The following CMC2 variants were observed in gnomAD, a reference collection of about 807,000 sequenced individuals.
CMC2 encodes the protein COX assembly mitochondrial protein 2 homolog.
A neutral mutation model predicts 7.5 loss-of-function variants in CMC2; 5 were observed. The observed-to-expected ratio is 0.66, with a 90% CI of 0.35 to 1.40. The LOEUF is 1.40. Ranked by LOEUF, CMC2 falls within the 40% of genes most tolerant of loss-of-function variation. The pLI is 0.04. For missense variants in CMC2, 115 were observed against 92.3 expected, an observed-to-expected ratio of 1.25 and a Z score of -1.01; for synonymous variants, 37 against 31.4, an observed-to-expected ratio of 1.18 and a Z score of -0.60.
chr16:80,984,662 C>T (rs1454844272), intron 2 of CMC2, among the ~76,000 whole-genome samples: 1 of 152,094 alleles, frequency 6.6e-6, no homozygotes, highest in East Asian at 1.9e-4. Flanking sequence ...TCCTTGACAA[C>T]AAATAAACAT....
chr16:80,976,951 C>A (rs1444693493), intron 3 of CMC2, among the ~76,000 whole-genome samples: 1 of 151,550 alleles, frequency 6.6e-6, no homozygotes. Context: ...ATGCCCCTTA[C>A]CAAAAAAAAA....
At chr16:81,005,320 G>A (rs578074459) in intron 1 of CMC2, among the ~76,000 whole-genome samples, 36 of 152,232 alleles carry the variant, frequency 2.4e-4, no homozygotes, top group African/African-American at 7.9e-4. Context: ...GTTGAGGCAC[G>A]AGAATCACTA....
rs909490091 is a variant in CMC2 at position 80,978,172 on chromosome 16, G to GA, written c.154-1994dup. The GA allele has an allele frequency of 1.0e-4, 70 of 674,616 alleles. No homozygotes were observed. The African/African-American group carries it at 1.1e-3, about 11-fold the overall frequency. The allele number at this position is 674,616 out of a possible 1,614,324, so 41.8% of individuals were successfully genotyped here. A position where few individuals can be genotyped will look rare whatever the true frequency, so the allele number is the denominator to read the frequency against. On this transcript the variant is annotated intron_variant, in intron 3 of 3. Coordinates refer to ENST00000219400, the MANE Select transcript of CMC2 (RefSeq NM_020188.5). ...TAAATTTACTCATAAAATTGTTGGGGAAAAAATCAATAAAACGTATTCTAG... is the reference window on the plus strand; with the variant it reads ...TAAATTTACTCATAAAATTGTTGGGGAAAAAAATCAATAAAACGTATTCTAG...
chr16:81,006,863 C>G lies in CMC2; in HGVS notation c.-165G>C, dbSNP rs1404479497. The G allele has an allele frequency of 1.0e-6, 1 of 986,028 alleles. No individual in the cohort carries two copies. The highest frequency in any genetic ancestry group is 1.2e-6 in the Non-Finnish European group (1 of 830,408). 61.1% of individuals were successfully genotyped at this position (986,028 alleles called of 1,614,324 possible). On this transcript the variant is annotated 5_prime_UTR_variant, in exon 1 of 4. Coordinates refer to ENST00000219400, the MANE Select transcript of CMC2 (RefSeq NM_020188.5). ...CGCCGAAACCCAGTGACGCCCTCCACCGCTCCACCGTGCTCCCGGCTCCTC... is the reference window on the plus strand; with the variant it reads ...CGCCGAAACCCAGTGACGCCCTCCAGCGCTCCACCGTGCTCCCGGCTCCTC...
intron 2 of CMC2, among the ~76,000 whole-genome samples, chr16:80,989,324 GA>G (rs990654374): frequency 6.6e-6 from 1 of 152,124 alleles, no homozygotes; most frequent in Non-Finnish European, 1.5e-5. Context: ...TACTGTAAGG[GA>G]AACTTTCCCT....
At position 80,973,331 on chromosome 16, in the gene CMC2, G is replaced by C. The variant is rs1023362963; in HGVS notation, c.*2762C>G. 6.6e-6 allele frequency: 1 copy of C among 152,082 alleles called. No individual in the cohort carries two copies. Among genetic ancestry groups the C allele is most frequent in the Non-Finnish European group, 1.5e-5 (1 of 68,010 alleles). 9.4% of individuals were successfully genotyped at this position (152,082 alleles called of 1,614,324 possible). On this transcript the variant is annotated 3_prime_UTR_variant, in exon 4 of 4. Coordinates refer to ENST00000219400, the MANE Select transcript of CMC2 (RefSeq NM_020188.5). The stretch of plus-strand genomic sequence containing the variant: ...ACGGTATCAGCCCTAGTGATTTGGT[G>C]CCTTCTACCAAACTACGGAGGAAGT...
Position 80,971,795 on chromosome 16 carries a change from G to GT in CMC2, c.*4297dup, listed in dbSNP as rs1567498967. On this transcript the variant is annotated 3_prime_UTR_variant, in exon 4 of 4. Coordinates refer to ENST00000219400, the MANE Select transcript of CMC2 (RefSeq NM_020188.5). ...TTAGATAGCAGCTATGTGAGTGTTC[G>GT]TATTAGTCTGTATAGTTTTCTGTAA... 1 of 151,420 alleles carries GT rather than the reference G, an allele frequency of 6.6e-6. No individual in the cohort carries two copies. Among genetic ancestry groups the GT allele is most frequent in the Non-Finnish European group, 1.5e-5 (1 of 67,938 alleles). 9.4% of individuals were successfully genotyped at this position (151,420 alleles called of 1,614,324 possible).
intron 1 of CMC2, among the ~76,000 whole-genome samples, chr16:80,999,103 T>A (rs1475467228): frequency 6.6e-6 from 1 of 152,006 alleles, no homozygotes; most frequent in African/African-American, 2.4e-5. Flanking sequence ...AAGCAATCAG[T>A]CAAGAGAAAT....
Position 80,976,132 on chromosome 16 carries a change from TC to T in CMC2, c.200del (p.Arg67GlnfsTer32). 1 of 1,610,686 alleles carries T rather than the reference TC, an allele frequency of 6.2e-7. No individual in the cohort carries two copies. Among genetic ancestry groups the T allele is most frequent in the African/African-American group, 1.3e-5 (1 of 74,924 alleles). On this transcript the variant is annotated frameshift_variant, in exon 4 of 4. Coordinates refer to ENST00000219400, the MANE Select transcript of CMC2 (RefSeq NM_020188.5). LOFTEE classifies it high-confidence loss of function. ...CCTCTGGAGGATTAAAAAGTTTCTT[TC>T]GCATTGCAATGCCATGCTCCCTGCT... ...TKSREHGIAM[R>X]KKLFNPPEES...
At chr16:80,999,985 C>A (rs1024121639) in intron 1 of CMC2, among the ~76,000 whole-genome samples, 2 of 152,118 alleles carry the variant, frequency 1.3e-5, no homozygotes, top group Non-Finnish European at 2.9e-5. Context: ...TGGACATTCA[C>A]CTTCGGAAGA....
In CMC2 at chr16:80,995,474, G is replaced by C. The variant is rs888699568; in HGVS notation, c.81+1840C>G. 4.6e-5 allele frequency among the ~76,000 whole-genome samples: 7 copies of C among 152,112 alleles called. No homozygotes were observed. In the South Asian group the frequency reaches 1.5e-3, roughly 32 times the overall value. On this transcript the variant is annotated intron_variant, in intron 2 of 3. Transcript: ENST00000219400. ...AGTTCGAGACCAGCCTGCCCAACAT[G>C]GTGAAACTCCGTCTCTACTAAAGAT...
intron 1 of CMC2, among the ~76,000 whole-genome samples, chr16:81,000,889 T>C (rs1313253210): frequency 6.6e-6 from 1 of 152,216 alleles, no homozygotes; most frequent in African/African-American, 2.4e-5. Context: ...AAGAAAAACA[T>C]GCACTCATAA....
chr16:80,985,901 CAAAAAA>C (rs57915291), intron 2 of CMC2, among the ~76,000 whole-genome samples: 2 of 104,998 alleles, frequency 1.9e-5, no homozygotes, highest in Non-Finnish European at 3.7e-5. Flanking sequence ...CATATACCTG[CAAAAAA>C]AAAAAAAAAA....
chr16:80,973,847 A>C lies in CMC2; in HGVS notation c.*2246T>G, dbSNP rs1457058772. The C allele has an allele frequency of 5.3e-5, 8 of 152,252 alleles. No individual in the cohort carries two copies. The highest frequency in any genetic ancestry group is 1.9e-4 in the African/African-American group (8 of 41,464). 9.4% of individuals were successfully genotyped at this position (152,252 alleles called of 1,614,324 possible). On this transcript the variant is annotated 3_prime_UTR_variant, in exon 4 of 4. Coordinates refer to ENST00000219400, the MANE Select transcript of CMC2 (RefSeq NM_020188.5). ...GCTGCAACACAAGAGAGTAAGACCT[A>C]AAAACAGTAGGTGGTTTGAATATCC...
intron 2 of CMC2, among the ~76,000 whole-genome samples, chr16:80,993,405 C>A (rs1489691641): frequency 1.3e-5 from 2 of 152,168 alleles, no homozygotes; most frequent in African/African-American, 4.8e-5. Context: ...GGAATTCGGG[C>A]AGGCTGGGGC....
chr16:80,978,640 G>T (rs1966872234), intron 3 of CMC2, among the ~76,000 whole-genome samples: 1 of 151,794 alleles, frequency 6.6e-6, no homozygotes, highest in African/African-American at 2.4e-5. Flanking sequence ...AGGCCAAGAT[G>T]GGAGAACTCC....
intron 3 of CMC2, among the ~76,000 whole-genome samples, chr16:80,979,185 G>C (rs1966914225): frequency 6.6e-6 from 1 of 152,152 alleles, no homozygotes; most frequent in South Asian, 2.1e-4. Flanking sequence ...GAGTAGAGAA[G>C]AAATACATGA....
chr16:80,990,391 A>G (rs1019399375), intron 2 of CMC2, among the ~76,000 whole-genome samples: 1 of 152,112 alleles, frequency 6.6e-6, no homozygotes, highest in Admixed American at 6.5e-5. Context: ...GCTGGTCTCA[A>G]ACTCCTGGAC....
intron 2 of CMC2, among the ~76,000 whole-genome samples, chr16:80,994,071 A>C (rs1197910360): frequency 6.6e-6 from 1 of 152,150 alleles, no homozygotes; most frequent in Non-Finnish European, 1.5e-5. Context: ...ATTTTTGACA[A>C]AGGGACCATG....
Sources: gnomAD v4.1 joint callset for allele counts (sites outside exome capture counted in the v4.1 genomes callset) on GRCh38, gnomAD v4.1.1 for gene constraint, MANE v1.5 for transcripts, NCBI Gene and HGNC (gene_info 2026-07-23, HGNC 2026-07-21) for gene names.